Variants in A1CF observed in about 807,000 individuals in gnomAD.
The protein encoded by A1CF is APOBEC1 complementation factor, also known as APOBEC-1 stimulating protein.
In A1CF, 48 loss-of-function variants were observed where a neutral mutation model predicts 68.9. The ratio of observed to expected loss-of-function variants is 0.70; its 90% CI spans 0.55 to 0.89. A1CF has a LOEUF of 0.89. A1CF is among the 40% of genes least tolerant of loss of function. The pLI, the probability that A1CF is intolerant of heterozygous loss-of-function variation, is 0.00. For synonymous variants in A1CF, 272 were observed against 260.4 expected (o/e 1.04, Z -0.43); for missense variants, 653 against 718.9 (o/e 0.91, Z 1.05).
intron 11 of A1CF, among the ~76,000 whole-genome samples, chr10:50,810,718 G>T (rs1838066923): frequency 6.6e-6 from 1 of 152,142 alleles, no homozygotes; most frequent in Non-Finnish European, 1.5e-5. Context: ...CACCATGTTG[G>T]CCAGGTTGGT....
rs372991578 is a variant in A1CF at position 50,829,587 on chromosome 10, T to C, written c.605-1292A>G. Among the ~76,000 whole-genome samples, 51 of 152,314 alleles carry C rather than the reference T, an allele frequency of 3.3e-4. 2 individuals carry two copies. In the South Asian group the frequency reaches 9.5e-3, roughly 28 times the overall value. ...GAATAGGCATGTCTTAAGAGATAAC[T>C]GACCCTGGAGAAGCTGGCTCTTGTT... On this transcript the variant is annotated intron_variant, in intron 6 of 12. Coordinates refer to ENST00000373997, the MANE Select transcript of A1CF (RefSeq NM_014576.4).
At chr10:50,821,550 T>TC (rs1838674768) in intron 7 of A1CF, among the ~76,000 whole-genome samples, 2 of 151,984 alleles carry the variant, frequency 1.3e-5, no homozygotes, top group Non-Finnish European at 2.9e-5. Flanking sequence ...TATTTTTTTT[T>TC]TTCAGACGGA....
intron 1 of A1CF, among the ~76,000 whole-genome samples, chr10:50,871,605 CA>C (rs1841269729): frequency 6.6e-6 from 1 of 151,848 alleles, no homozygotes; most frequent in Admixed American, 6.6e-5. Context: ...TTAAAACAAG[CA>C]TAGAAATAGA....
At chr10:50,832,723 C>G (rs1220568802) in intron 6 of A1CF, among the ~76,000 whole-genome samples, 1 of 152,140 alleles carries the variant, frequency 6.6e-6, no homozygotes, top group Admixed American at 6.6e-5. Flanking sequence ...GTTGTGAGGT[C>G]AGGAAAAGAT....
rs1336726575 is a variant in A1CF, at chr10:50,801,068, T to A, written c.*5661A>T. On this transcript the variant is annotated 3_prime_UTR_variant, in exon 13 of 13. Coordinates refer to ENST00000373997, the MANE Select transcript of A1CF (RefSeq NM_014576.4). ...GTGTCCCCAAGAGCTATCTTTTGTC[T>A]TGCCCCACCACCTAACCTGGCATAA... The A allele has an allele frequency of 6.6e-6, 1 of 152,366 alleles. No individual in the cohort carries two copies. The highest frequency in any genetic ancestry group is 1.5e-5 in the Non-Finnish European group (1 of 68,176). 9.4% of individuals were successfully genotyped at this position (152,366 alleles called of 1,614,324 possible).
chr10:50,806,982 T>A (rs1837863246), intron 12 of A1CF, 102 bp from the exon 13 acceptor site: 5 of 1,217,786 alleles, frequency 4.1e-6, no homozygotes, highest in East Asian at 4.8e-5. Context: ...ACATATTGCT[T>A]AAAGCTAAAA....
chr10:50,816,269 C>A lies in A1CF; in HGVS notation c.878G>T (p.Gly293Val), dbSNP rs753862287. Residue 293 changes from glycine to valine, a missense_variant, in exon 9 of 13, where the codon GGT becomes GTT. Physicochemically the swap from Gly to Val is moderately radical, Grantham distance 109. Coordinates refer to ENST00000373997, the MANE Select transcript of A1CF (RefSeq NM_014576.4). ...MKALNGKVLDGSPIEVTLAKP... is the reference protein window; with the variant it reads ...MKALNGKVLDVSPIEVTLAKP... The stretch of plus-strand genomic sequence containing the variant: ...TGCTAGGGTGACTTCAATGGGGGAA[C>A]CATCCAGCACCTGTTGTAGAGAGCA... 1 of 1,613,302 alleles carries A rather than the reference C, an allele frequency of 6.2e-7. No homozygotes were observed.
chr10:50,803,956 A>G lies in A1CF; in HGVS notation c.*2773T>C, dbSNP rs1837713781. 1 of 152,226 alleles carries G rather than the reference A, an allele frequency of 6.6e-6. No homozygotes were observed. The highest frequency in any genetic ancestry group is 2.1e-4 in the South Asian group (1 of 4,828). 9.4% of individuals were successfully genotyped at this position (152,226 alleles called of 1,614,324 possible). ...AGCCTTTGGTTCTACCAGCAATTTA[A>G]AAAAGCCCGTTGTCTTAATAATTTT... On this transcript the variant is annotated 3_prime_UTR_variant, in exon 13 of 13. Coordinates refer to ENST00000373997, the MANE Select transcript of A1CF (RefSeq NM_014576.4).
chr10:50,845,074 T>G (rs1279277161), intron 3 of A1CF, among the ~76,000 whole-genome samples: 1 of 152,196 alleles, frequency 6.6e-6, no homozygotes, highest in Non-Finnish European at 1.5e-5. Flanking sequence ...TTAAAAATAA[T>G]AACTTAAAAA....
intron 1 of A1CF, among the ~76,000 whole-genome samples, chr10:50,865,275 C>G (rs1293599008): frequency 2.0e-5 from 3 of 149,930 alleles, no homozygotes; most frequent in Non-Finnish European, 4.4e-5. Context: ...ACTCCTACTA[C>G]TACTGCTGCT....
chr10:50,801,532 T>A lies in A1CF; in HGVS notation c.*5197A>T, dbSNP rs1368307363. ...CCAGGACTGTCCTGGAAAACCAGAA[T>A]GTATTGTCACCTCAGAGAGACATTG... is the stretch of plus-strand genomic sequence containing the variant. On this transcript the variant is annotated 3_prime_UTR_variant, in exon 13 of 13. Coordinates refer to ENST00000373997, the MANE Select transcript of A1CF (RefSeq NM_014576.4). The A allele has an allele frequency of 6.6e-6, 1 of 152,176 alleles. No individual in the cohort carries two copies. Among genetic ancestry groups the A allele is most frequent in the Non-Finnish European group, 1.5e-5 (1 of 68,036 alleles). The allele number at this position is 152,176 out of a possible 1,614,324, so 9.4% of individuals were successfully genotyped here.
intron 1 of A1CF, among the ~76,000 whole-genome samples, chr10:50,866,970 C>A (rs1336365235): frequency 1.3e-5 from 2 of 151,002 alleles, no homozygotes; most frequent in African/African-American, 4.9e-5. Flanking sequence ...CCATCTCGGC[C>A]TCCTAGACTG....
chr10:50,869,217 A>G (rs982802611), intron 1 of A1CF, among the ~76,000 whole-genome samples: 2 of 152,176 alleles, frequency 1.3e-5, no homozygotes, highest in African/African-American at 2.4e-5. Context: ...AAAAAAGGAT[A>G]AGAATACTGA....
chr10:50,825,465 CTT>C (rs1439846180), intron 7 of A1CF, among the ~76,000 whole-genome samples: 2 of 152,130 alleles, frequency 1.3e-5, no homozygotes, highest in Non-Finnish European at 2.9e-5. Context: ...AGGCAAAAGA[CTT>C]TGATAAGTTC....
chr10:50,878,841 T>C (rs1420253451), intron 1 of A1CF, among the ~76,000 whole-genome samples: 1 of 152,224 alleles, frequency 6.6e-6, no homozygotes, highest in Non-Finnish European at 1.5e-5. Context: ...TGAATTAGTA[T>C]GTTGCAAGTG....
At chr10:50,848,803 G>A (rs1840109770) in intron 3 of A1CF, among the ~76,000 whole-genome samples, 1 of 151,918 alleles carries the variant, frequency 6.6e-6, no homozygotes, top group Non-Finnish European at 1.5e-5. Context: ...GTTCCCTTGG[G>A]TCCTAGCCAA....
intron 8 of A1CF, among the ~76,000 whole-genome samples, chr10:50,816,942 T>C (rs1838401978): frequency 6.6e-6 from 1 of 152,172 alleles, no homozygotes; most frequent in Non-Finnish European, 1.5e-5. Context: ...TGCTGAACAG[T>C]TGGGAGCTAA....
chr10:50,842,072 CAA>C, intron 4 of A1CF, 80 bp from the exon 5 acceptor site: 5 of 1,255,266 alleles, frequency 4.0e-6, no homozygotes, highest in South Asian at 1.3e-5. Context: ...GATACACACA[CAA>C]ACACACACAC....
chr10:50,883,464 C>T (rs889696030), intron 1 of A1CF, among the ~76,000 whole-genome samples: 4 of 151,926 alleles, frequency 2.6e-5, no homozygotes, highest in African/African-American at 9.7e-5. Flanking sequence ...GTGTTCTTTC[C>T]GTAATTAATT....
Sources: gnomAD v4.1 joint callset for allele counts (sites outside exome capture counted in the v4.1 genomes callset) on GRCh38, gnomAD v4.1.1 for gene constraint, MANE v1.5 for transcripts, NCBI Gene and HGNC (gene_info 2026-07-23, HGNC 2026-07-21) for gene names.